The following ASTN1 variants were observed in gnomAD, a reference collection of about 807,000 sequenced individuals.
The protein encoded by ASTN1 is astrotactin 1, also known as astrotactin-1.
A neutral mutation model predicts 140.7 loss-of-function variants in ASTN1; 41 were observed. The observed-to-expected ratio is 0.29, with a 90% CI of 0.23 to 0.38. ASTN1 has a LOEUF of 0.38. Ranked by LOEUF, ASTN1 falls within the 10% of genes least tolerant of loss-of-function variation. The pLI, the probability that ASTN1 is intolerant of heterozygous loss-of-function variation, is 1.00. For synonymous variants in ASTN1, 640 were observed against 652.2 expected, an observed-to-expected ratio of 0.98 and a Z score of 0.29; for missense variants, 1,479 against 1,678.8, an observed-to-expected ratio of 0.88 and a Z score of 2.08.
chr1:177,014,433 C>A (rs1461142515), intron 8 of ASTN1, among the ~76,000 whole-genome samples: 2 of 152,154 alleles, frequency 1.3e-5, no homozygotes, highest in Non-Finnish European at 2.9e-5. Context: ...TCTGGGAGAG[C>A]TACATTGGAG....
chr1:176,980,898 C>T (rs373152603), intron 8 of ASTN1, among the ~76,000 whole-genome samples: 7 of 152,118 alleles, frequency 4.6e-5, no homozygotes, highest in South Asian at 2.1e-4. Context: ...GTTTATTATG[C>T]GCCAGATACC....
intron 8 of ASTN1, among the ~76,000 whole-genome samples, chr1:177,012,545 C>T (rs574880561): frequency 3.9e-5 from 6 of 152,310 alleles, no homozygotes; most frequent in Admixed American, 3.3e-4. Context: ...GTCTTCTTGT[C>T]TATTTCCTGG....
intron 2 of ASTN1, among the ~76,000 whole-genome samples, chr1:177,045,776 A>C (rs1677187050): frequency 6.6e-6 from 1 of 152,170 alleles, no homozygotes; most frequent in African/African-American, 2.4e-5. Context: ...CTGAACGTTA[A>C]TCTAACTGTT....
At chr1:177,147,621 C>T (rs1682775776) in intron 1 of ASTN1, among the ~76,000 whole-genome samples, 1 of 152,108 alleles carries the variant, frequency 6.6e-6, no homozygotes, top group Non-Finnish European at 1.5e-5. Context: ...CCAATAATAG[C>T]CCATTATTCC....
At chr1:176,926,437 G>A (rs1670974298) in intron 16 of ASTN1, among the ~76,000 whole-genome samples, 1 of 152,154 alleles carries the variant, frequency 6.6e-6, no homozygotes, top group Non-Finnish European at 1.5e-5. Flanking sequence ...CATATGTTTA[G>A]GAAAGCTTTA....
chr1:176,929,058 A>G (rs992029140), intron 16 of ASTN1, among the ~76,000 whole-genome samples: 4 of 152,196 alleles, frequency 2.6e-5, no homozygotes, highest in South Asian at 2.1e-4. Flanking sequence ...TACAGAAGCA[A>G]ATGAAAAGGT....
intron 16 of ASTN1, among the ~76,000 whole-genome samples, chr1:176,911,327 T>C (rs1304205590): frequency 6.6e-6 from 1 of 152,166 alleles, no homozygotes; most frequent in Non-Finnish European, 1.5e-5. Context: ...ACACTTAGGC[T>C]ACACTAAATT....
At chr1:177,001,674 C>T (rs77881161) in intron 8 of ASTN1, among the ~76,000 whole-genome samples, 2 of 152,244 alleles carry the variant, frequency 1.3e-5, no homozygotes, top group African/African-American at 4.8e-5. Context: ...AGCAGGTGAA[C>T]GTTAACCCTC....
Position 177,039,680 on chromosome 1 carries a change from C to T in ASTN1, c.472-6831G>A, listed in dbSNP as rs191481544. Among the ~76,000 whole-genome samples, 384 of 152,252 alleles carry T rather than the reference C, an allele frequency of 2.5e-3. 1 individual carries two copies. Among genetic ancestry groups the T allele is most frequent in the Non-Finnish European group, 4.4e-3 (302 of 68,026 alleles). On this transcript the variant is annotated intron_variant, in intron 2 of 22. Transcript: ENST00000361833. ...GTAATTGTATGCAAATTGCAGAGCC[C>T]CTTTGAATCTAACCCAAGCCTTCAT...
rs765739439 is a variant in ASTN1 at position 177,029,714 on chromosome 1, C to T, written c.1040G>A (p.Gly347Glu). The T allele has an allele frequency of 7.4e-5, 120 of 1,613,014 alleles. No homozygotes were observed. Among genetic ancestry groups the T allele is most frequent in the Non-Finnish European group, 9.5e-5 (112 of 1,179,566 alleles). The change falls in exon 5 of 23, where the codon GGG becomes GAG. Residue 347 changes from glycine to glutamate, a missense_variant. By Grantham distance (98) the Gly-to-Glu change is moderately conservative. Around this residue, in one of 3 missense-constraint regions of ASTN1, gnomAD observed 729 missense variants for 860.4 expected, o/e 0.85. Coordinates refer to ENST00000361833, the MANE Select transcript of ASTN1 (RefSeq NM_004319.3). ...GTTTTCTGCCTCTGTGCCAGAATCC[C>T]CTTCAGGGTTCAAGAAGGCGGAACC... ...RAGSAFLNPE[G>E]DSGTEAENDP... is the part of the protein sequence containing the mutation.
intron 19 of ASTN1, 147 bp downstream of exon 19, chr1:176,884,192 G>T: frequency 4.3e-6 from 4 of 931,444 alleles, no homozygotes; most frequent in Non-Finnish European, 4.6e-6. Context: ...TCCTGGAGAA[G>T]AAGAACAGCT....
intron 2 of ASTN1, among the ~76,000 whole-genome samples, chr1:177,035,558 T>C (rs1218742198): frequency 6.6e-6 from 1 of 152,228 alleles, no homozygotes; most frequent in Non-Finnish European, 1.5e-5. Context: ...GATACTCACA[T>C]TTCAAGTTAT....
chr1:177,125,974 C>A (rs1681625396), intron 1 of ASTN1, among the ~76,000 whole-genome samples: 1 of 152,100 alleles, frequency 6.6e-6, no homozygotes, highest in Non-Finnish European at 1.5e-5. Flanking sequence ...TCTAATATTC[C>A]AAGATGTTAT....
chr1:176,954,422 G>A (rs1672316548), intron 11 of ASTN1, among the ~76,000 whole-genome samples: 1 of 152,156 alleles, frequency 6.6e-6, no homozygotes, highest in Non-Finnish European at 1.5e-5. Context: ...CAAAAGGCAA[G>A]GGAATGGATT....
intron 16 of ASTN1, among the ~76,000 whole-genome samples, chr1:176,926,098 C>T (rs947364978): frequency 6.6e-6 from 1 of 152,096 alleles, no homozygotes; most frequent in Non-Finnish European, 1.5e-5. Context: ...TGAGCCACCG[C>T]ACCCAGCCAA....
At chr1:176,898,507 T>A (rs1444158023) in intron 16 of ASTN1, among the ~76,000 whole-genome samples, 1 of 152,230 alleles carries the variant, frequency 6.6e-6, no homozygotes, top group African/African-American at 2.4e-5. Context: ...AATTGGGAAG[T>A]ACTCTTTAAA....
At chr1:177,037,275 G>A (rs888339250) in intron 2 of ASTN1, among the ~76,000 whole-genome samples, 6 of 152,172 alleles carry the variant, frequency 3.9e-5, no homozygotes, top group Non-Finnish European at 7.3e-5. Context: ...GACTATGGCT[G>A]GAAGCATCCT....
At chr1:177,149,945 G>A (rs569594961) in intron 1 of ASTN1, among the ~76,000 whole-genome samples, 6 of 150,166 alleles carry the variant, frequency 4.0e-5, no homozygotes, top group African/African-American at 1.5e-4. Context: ...TCCTGGTTCT[G>A]TAAAGACAGG....
At chr1:176,942,853 TATATATATATATA>T (rs1671793209) in intron 14 of ASTN1, among the ~76,000 whole-genome samples, 3 of 90,926 alleles carry the variant, frequency 3.3e-5, no homozygotes, top group Admixed American at 1.2e-4. Context: ...TATATATATA[TATATATATATATA>T]GATTGATGTC....
Sources: gnomAD v4.1 joint callset for allele counts (sites outside exome capture counted in the v4.1 genomes callset) on GRCh38, gnomAD v4.1.1 for gene constraint, gnomAD v4.1.1 regional missense constraint, MANE v1.5 for transcripts, NCBI Gene and HGNC (gene_info 2026-07-23, HGNC 2026-07-21) for gene names.